The following PRKCA variants were observed in gnomAD, a reference collection of about 807,000 sequenced individuals.
The protein encoded by PRKCA is protein kinase C alpha type.
In PRKCA, 27 loss-of-function variants were observed where a neutral mutation model predicts 87.0. The ratio of observed to expected loss-of-function variants is 0.31; its 90% CI spans 0.23 to 0.43. The LOEUF (loss-of-function observed/expected upper bound fraction) is 0.43, where lower values mean the gene tolerates loss of function less well. Among genes scored for constraint, PRKCA ranks in the 20% least tolerant of loss-of-function variants. PRKCA has a pLI of 1.00. For missense variants in PRKCA, 518 were observed against 852.3 expected, an observed-to-expected ratio of 0.61 and a Z score of 4.88; for synonymous variants, 329 against 311.1, an observed-to-expected ratio of 1.06 and a Z score of -0.61.
At chr17:66,482,597 C>A (rs891467742) in intron 2 of PRKCA, among the ~76,000 whole-genome samples, 1 of 152,182 alleles carries the variant, frequency 6.6e-6, no homozygotes, top group African/African-American at 2.4e-5. Flanking sequence ...TGTGTGGGAA[C>A]CCACATTCTT....
chr17:66,715,716 TCTA>T (rs1490502082), intron 8 of PRKCA, among the ~76,000 whole-genome samples: 3 of 152,204 alleles, frequency 2.0e-5, no homozygotes, highest in African/African-American at 7.2e-5. Context: ...ATTCAGGTCA[TCTA>T]CTATAAAGGA....
At chr17:66,360,092 C>G (rs1046923884) in intron 2 of PRKCA, among the ~76,000 whole-genome samples, 3 of 152,160 alleles carry the variant, frequency 2.0e-5, no homozygotes, top group African/African-American at 7.2e-5. Context: ...TCATATCACT[C>G]AGAAGTATCA....
At chr17:66,548,274 GC>G (rs1762144277) in intron 3 of PRKCA, among the ~76,000 whole-genome samples, 1 of 152,180 alleles carries the variant, frequency 6.6e-6, no homozygotes, top group Non-Finnish European at 1.5e-5. Flanking sequence ...ACCTCACAGG[GC>G]TGAGTCAGCT....
intron 3 of PRKCA, among the ~76,000 whole-genome samples, chr17:66,613,605 G>C (rs1042444393): frequency 6.6e-6 from 1 of 151,936 alleles, no homozygotes; most frequent in Non-Finnish European, 1.5e-5. Flanking sequence ...CTGGCTTCTG[G>C]GGCCTCCCAG....
chr17:66,484,028 A>G (rs1439147826), intron 2 of PRKCA, among the ~76,000 whole-genome samples: 1 of 152,178 alleles, frequency 6.6e-6, no homozygotes, highest in Non-Finnish European at 1.5e-5. Context: ...TTAGTTCTGC[A>G]TGGCTGGGGA....
At chr17:66,764,246 T>C (rs921426192) in intron 13 of PRKCA, among the ~76,000 whole-genome samples, 8 of 152,192 alleles carry the variant, frequency 5.3e-5, no homozygotes, top group African/African-American at 1.7e-4. Context: ...ACAGCTACTG[T>C]CAATATTGCC....
chr17:66,512,717 A>G (rs1917295017), intron 3 of PRKCA, among the ~76,000 whole-genome samples: 1 of 151,718 alleles, frequency 6.6e-6, no homozygotes, highest in South Asian at 2.1e-4. Flanking sequence ...CCTTGTTATT[A>G]TTATTTTTGA....
At chr17:66,452,606 C>T (rs1260833890) in intron 2 of PRKCA, among the ~76,000 whole-genome samples, 1 of 152,172 alleles carries the variant, frequency 6.6e-6, no homozygotes, top group East Asian at 1.9e-4. Flanking sequence ...TTCAGGAATG[C>T]GGCCTCTGCA....
chr17:66,587,635 GAT>G (rs976272362), intron 3 of PRKCA, among the ~76,000 whole-genome samples: 2 of 149,636 alleles, frequency 1.3e-5, no homozygotes, highest in African/African-American at 5.0e-5. Context: ...TAGATATATA[GAT>G]ATATATAACA....
At chr17:66,738,696 TG>T (rs1974093502) in intron 10 of PRKCA, 67 bp from the exon 11 acceptor site, 1 of 1,260,792 alleles carries the variant, frequency 7.9e-7, no homozygotes, top group Non-Finnish European at 1.2e-6. Flanking sequence ...AAACACAACC[TG>T]TGAAGAGCAA....
At chr17:66,585,388 C>A (rs991898684) in intron 3 of PRKCA, among the ~76,000 whole-genome samples, 2 of 152,162 alleles carry the variant, frequency 1.3e-5, no homozygotes, top group Admixed American at 6.5e-5. Flanking sequence ...GTCTGCAGCT[C>A]GATTTTACAG....
chr17:66,395,628 A>T (rs774421194), intron 2 of PRKCA, among the ~76,000 whole-genome samples: 27 of 152,242 alleles, frequency 1.8e-4, no homozygotes, highest in Non-Finnish European at 3.8e-4. Flanking sequence ...CACAAGGAAC[A>T]GTTCCTACCA....
intron 3 of PRKCA, among the ~76,000 whole-genome samples, chr17:66,587,391 T>G (rs527848871): frequency 6.6e-6 from 1 of 152,212 alleles, no homozygotes; most frequent in East Asian, 1.9e-4. Flanking sequence ...TGTATTACAC[T>G]CTACAGATTC....
At chr17:66,645,284 G>C in intron 4 of PRKCA, 99 bp from the exon 5 acceptor site, 1 of 1,527,672 alleles carries the variant, frequency 6.5e-7, no homozygotes, top group Non-Finnish European at 8.9e-7. Context: ...TATCGAGTTG[G>C]GGGTAACTCA....
intron 8 of PRKCA, among the ~76,000 whole-genome samples, chr17:66,713,890 CAG>C (rs1489113064): frequency 6.6e-6 from 1 of 152,172 alleles, no homozygotes; most frequent in East Asian, 1.9e-4. Context: ...GGTGGTCAGC[CAG>C]CTCAGAGCTG....
intron 2 of PRKCA, among the ~76,000 whole-genome samples, chr17:66,350,424 C>T (rs887975999): frequency 6.6e-6 from 1 of 152,102 alleles, no homozygotes; most frequent in African/African-American, 2.4e-5. Flanking sequence ...TTCTGTTTCC[C>T]TTTCCTAAAG....
At chr17:66,467,309 A>C (rs78227653) in intron 2 of PRKCA, among the ~76,000 whole-genome samples, 1 of 152,116 alleles carries the variant, frequency 6.6e-6, no homozygotes, top group Non-Finnish European at 1.5e-5. Flanking sequence ...ATTTCATGCT[A>C]TGTAGCCAGA....
intron 13 of PRKCA, among the ~76,000 whole-genome samples, chr17:66,773,518 T>TA (rs1299371324): frequency 6.7e-6 from 1 of 149,138 alleles, no homozygotes; most frequent in South Asian, 2.1e-4. Context: ...TTTTTTTAAT[T>TA]AAAAAAATTT....
At chr17:66,765,689 A>G (rs933260647) in intron 13 of PRKCA, among the ~76,000 whole-genome samples, 5 of 151,698 alleles carry the variant, frequency 3.3e-5, no homozygotes, top group African/African-American at 1.2e-4. Flanking sequence ...ACAAGTGGCC[A>G]GTGGCCACTG....
Sources: gnomAD v4.1 joint callset for allele counts (sites outside exome capture counted in the v4.1 genomes callset) on GRCh38, gnomAD v4.1.1 for gene constraint, MANE v1.5 for transcripts, NCBI Gene and HGNC (gene_info 2026-07-23, HGNC 2026-07-21) for gene names.